Variants in CD274 observed in about 807,000 individuals in gnomAD.
The protein encoded by CD274 is CD274 molecule.
CD274 carries 8 observed loss-of-function variants against 30.1 expected under a neutral mutation model. The observed-to-expected ratio is 0.27, with a 90% CI of 0.16 to 0.48. The LOEUF is 0.48. Among genes scored for constraint, CD274 ranks in the 20% least tolerant of loss-of-function variants. The pLI is 0.99. For synonymous variants in CD274, 152 were observed against 124.6 expected (o/e 1.22, Z -1.46); for missense variants, 353 against 346.6 (o/e 1.02, Z -0.15).
At chr9:5,459,316 G>A (rs776554825) in intron 3 of CD274, among the ~76,000 whole-genome samples, 3 of 152,124 alleles carry the variant, frequency 2.0e-5, no homozygotes, top group Non-Finnish European at 4.4e-5. Context: ...AGTGGTTTTG[G>A]GATTGAGTTC....
chr9:5,463,205 AG>A, intron 4 of CD274, 84 bp downstream of exon 4: 4 of 1,043,056 alleles, frequency 3.8e-6, no homozygotes, highest in South Asian at 1.4e-5. Context: ...ATAGTCATTC[AG>A]TGATTGTTGA....
At chr9:5,464,564 C>G (rs924506208) in intron 4 of CD274, among the ~76,000 whole-genome samples, 2 of 152,004 alleles carry the variant, frequency 1.3e-5, no homozygotes, top group Admixed American at 1.3e-4. Flanking sequence ...CATGGGACCC[C>G]CTTTCCTCCT....
intron 3 of CD274, among the ~76,000 whole-genome samples, chr9:5,461,184 C>T (rs1292088224): frequency 6.6e-6 from 1 of 152,118 alleles, no homozygotes; most frequent in Non-Finnish European, 1.5e-5. Context: ...TAATTAAGTA[C>T]TTACTGTTTA....
chr9:5,464,596 G>A (rs1819465335), intron 4 of CD274, among the ~76,000 whole-genome samples: 1 of 152,112 alleles, frequency 6.6e-6, no homozygotes, highest in Non-Finnish European at 1.5e-5. Flanking sequence ...CAGACAAGGA[G>A]CCTAGTAAGA....
chr9:5,452,236 C>T (rs1051961270), intron 1 of CD274, among the ~76,000 whole-genome samples: 1 of 152,072 alleles, frequency 6.6e-6, no homozygotes, highest in Non-Finnish European at 1.5e-5. Flanking sequence ...AGGCTGATCT[C>T]GAACTCCTGA....
chr9:5,465,417 T>A (rs1819480034), intron 4 of CD274, 82 bp from the exon 5 acceptor site: 1 of 786,666 alleles, frequency 1.3e-6, no homozygotes, highest in Admixed American at 2.1e-5. Context: ...AAACTAAACT[T>A]CAAGGATGAC....
chr9:5,462,899 A>G lies in CD274; in HGVS notation c.460A>G (p.Thr154Ala), dbSNP rs2131223252. The G allele has an allele frequency of 6.2e-7, 1 of 1,614,044 alleles. No homozygotes were observed. The highest frequency in any genetic ancestry group is 8.5e-7 in the Non-Finnish European group (1 of 1,179,918). Residue 154 changes from threonine to alanine, a missense_variant, in exon 4 of 7, where the codon ACA (threonine) becomes GCA (alanine). Coordinates refer to ENST00000381577, the MANE Select transcript of CD274 (RefSeq NM_014143.4). ...VDPVTSEHEL[T>A]CQAEGYPKAE... ...TCCAGTCACCTCTGAACATGAACTGACATGTCAGGCTGAGGGCTACCCCAA... is the reference window on the plus strand; with the variant it reads ...TCCAGTCACCTCTGAACATGAACTGGCATGTCAGGCTGAGGGCTACCCCAA...
At chr9:5,464,400 C>T (rs1358550468) in intron 4 of CD274, among the ~76,000 whole-genome samples, 1 of 152,040 alleles carries the variant, frequency 6.6e-6, no homozygotes, top group Non-Finnish European at 1.5e-5. Context: ...GCATTGTAAA[C>T]TGTAAGTTAC....
intron 3 of CD274, among the ~76,000 whole-genome samples, chr9:5,461,976 T>C (rs998437141): frequency 1.8e-4 from 28 of 152,302 alleles, no homozygotes; most frequent in African/African-American, 6.3e-4. Context: ...TTATGCAGTT[T>C]AGTTATTAAT....
In CD274 at chr9:5,467,825, A is replaced by G. The variant is rs1819521911; in HGVS notation, c.851-15A>G. The G allele has an allele frequency of 1.9e-6, 3 of 1,600,736 alleles. No homozygotes were observed. The highest frequency in any genetic ancestry group is 1.7e-6 in the Non-Finnish European group (2 of 1,167,848). On this transcript the variant is annotated splice_polypyrimidine_tract_variant and intron_variant, in intron 6 of 6. Transcript: ENST00000381577. ...CCACTTCCCATGAAATTAATATACT[A>G]TTATCACTCTCCAGATACACATTTG...
At chr9:5,466,944 C>A in intron 6 of CD274, 115 bp downstream of exon 6, 1 of 736,188 alleles carries the variant, frequency 1.4e-6, no homozygotes, top group East Asian at 2.8e-5. Flanking sequence ...AATGCTGGTT[C>A]CCCTTTGCCT....
chr9:5,456,970 T>C, intron 2 of CD274, 109 bp from the exon 3 acceptor site: 1 of 713,446 alleles, frequency 1.4e-6, no homozygotes, highest in East Asian at 2.6e-5. Flanking sequence ...TTCTTAAATA[T>C]AATGATAACA....
rs1027267540 is a variant in CD274, at chr9:5,469,137, T to C, written c.*1275T>C. On this transcript the variant is annotated 3_prime_UTR_variant, in exon 7 of 7. Coordinates refer to ENST00000381577, the MANE Select transcript of CD274 (RefSeq NM_014143.4). ...TCTTAATAATCAGAGTAATTTTCAT[T>C]TACAAAGAGAGGTCGGTACTTAAAA... 8.6e-6 allele frequency: 2 copies of C among 232,972 alleles called. No individual in the cohort carries two copies. The highest frequency in any genetic ancestry group is 6.0e-5 in the East Asian group (1 of 16,578). 14.4% of individuals were successfully genotyped at this position (232,972 alleles called of 1,614,324 possible).
At chr9:5,458,431 C>A (rs1819345556) in intron 3 of CD274, among the ~76,000 whole-genome samples, 1 of 152,174 alleles carries the variant, frequency 6.6e-6, no homozygotes, top group African/African-American at 2.4e-5. Flanking sequence ...CTGAAATCTG[C>A]CCCTCTAGTT....
intron 4 of CD274, among the ~76,000 whole-genome samples, chr9:5,465,130 C>A (rs2890658): frequency 0.12 from 17,510 of 151,548 alleles, 1,140 homozygotes; most frequent in African/African-American, 0.16. Flanking sequence ...TAATCAAGGC[C>A]GCCATTTAAT....
chr9:5,459,465 A>G (rs1586764902), intron 3 of CD274, among the ~76,000 whole-genome samples: 2 of 152,322 alleles, frequency 1.3e-5, no homozygotes, highest in Middle Eastern at 6.8e-3. Context: ...AGAACTCCTG[A>G]GTCACCTCCA....
At chr9:5,456,318 C>G (rs984860197) in intron 2 of CD274, among the ~76,000 whole-genome samples, 153 bp downstream of exon 2, 1 of 152,130 alleles carries the variant, frequency 6.6e-6, no homozygotes, top group African/African-American at 2.4e-5. Context: ...AGTCTTCTTT[C>G]TACTTTACGC....
rs757853872 is a variant in CD274 at position 5,462,956 on chromosome 9, C to G, written c.517C>G (p.Gln173Glu). 6.2e-7 allele frequency: 1 copy of G among 1,614,106 alleles called. No homozygotes were observed. The highest frequency in any genetic ancestry group is 8.5e-7 in the Non-Finnish European group (1 of 1,179,962). The change falls in exon 4 of 7, where the codon CAA (glutamine) becomes GAA (glutamate). Residue 173 changes from glutamine (Q) to glutamate (E), a missense_variant. Coordinates refer to ENST00000381577, the MANE Select transcript of CD274 (RefSeq NM_014143.4). ...AEVIWTSSDHQVLSGKTTTTN... is the reference protein window; with the variant it reads ...AEVIWTSSDHEVLSGKTTTTN... ...AGTCATCTGGACAAGCAGTGACCAT[C>G]AAGTCCTGAGTGGTAAGACCACCAC... is the stretch of plus-strand genomic sequence containing the variant.
intron 2 of CD274, among the ~76,000 whole-genome samples, chr9:5,456,724 C>A (rs543268450): frequency 6.6e-6 from 1 of 152,190 alleles, no homozygotes; most frequent in Non-Finnish European, 1.5e-5. Flanking sequence ...ATGTAGGAAG[C>A]AAATAGGTGT....
Sources: allele counts gnomAD v4.1 joint callset (sites outside exome capture counted in the v4.1 genomes callset), GRCh38; gene constraint gnomAD v4.1.1; transcripts MANE v1.5; gene names NCBI Gene and HGNC (gene_info 2026-07-23, HGNC 2026-07-21).